Variants in MSN observed in about 807,000 individuals in gnomAD.
The protein encoded by MSN is epididymis luminal protein 70.
A neutral mutation model predicts 48.0 loss-of-function variants in MSN; 2 were observed. That is an observed-to-expected ratio of 0.04 (90% CI 0.02 to 0.13). MSN has a LOEUF of 0.13. MSN is among the 10% of genes least tolerant of loss of function. MSN has a pLI of 1.00. For missense variants in MSN, 267 were observed against 470.1 expected (o/e 0.57, Z 3.99); for synonymous variants, 146 against 166.9 (o/e 0.87, Z 0.97).
intron 1 of MSN, among the ~76,000 whole-genome samples, chrX:65,651,563 TA>T (rs2070742411): frequency 0.029 from 1,667 of 58,338 alleles, 42 homozygotes; most frequent in African/African-American, 0.22. Flanking sequence ...AAGTAATATT[TA>T]TTATTATTAT....
At chrX:65,637,575 G>A (rs2070615300) in intron 1 of MSN, among the ~76,000 whole-genome samples, 1 of 111,162 alleles carries the variant, frequency 9.0e-6, no homozygotes, top group South Asian at 3.8e-4. Flanking sequence ...CCTCCTTGCT[G>A]TTCCTAGAAC....
intron 1 of MSN, among the ~76,000 whole-genome samples, chrX:65,687,380 A>C (rs917335599): frequency 9.0e-6 from 1 of 110,972 alleles, no homozygotes; most frequent in African/African-American, 3.3e-5. Flanking sequence ...AACAAACAAA[A>C]AAATCCCCTC....
At chrX:65,700,319 G>A (rs1375135466) in intron 1 of MSN, among the ~76,000 whole-genome samples, 1 of 111,765 alleles carries the variant, frequency 8.9e-6, no homozygotes, top group Non-Finnish European at 1.9e-5. Flanking sequence ...ACTACCTCTA[G>A]AGCCCAGGGT....
intron 1 of MSN, among the ~76,000 whole-genome samples, chrX:65,619,365 C>T (rs1452350044): frequency 1.0e-5 from 1 of 97,663 alleles, no homozygotes. Context: ...TAGATTTGGT[C>T]TTTTCACATA....
chrX:65,641,948 A>C (rs781539346), intron 1 of MSN, among the ~76,000 whole-genome samples: 54 of 108,725 alleles, frequency 5.0e-4, no homozygotes, highest in African/African-American at 1.8e-3. Context: ...CAGCGTGACC[A>C]ACATGGAGAA....
intron 1 of MSN, among the ~76,000 whole-genome samples, chrX:65,714,374 G>A (rs1462375250): frequency 9.0e-6 from 1 of 111,682 alleles, no homozygotes. Flanking sequence ...TTGTTTTCAG[G>A]TCTTTGAGAA....
rs190915464 is a variant in MSN, at chrX:65,591,788, T to C, written c.-22+3176T>C. On this transcript the variant is annotated intron_variant, in intron 1 of 3. Coordinates refer to the MSN transcript ENST00000609672. Reference sequence around the variant, plus strand: ...CCAGAAAGGATAGAAAGTAGTTCTTTCTGGATTAGTGTTATATCTCCCTCT... The same window carrying C: ...CCAGAAAGGATAGAAAGTAGTTCTTCCTGGATTAGTGTTATATCTCCCTCT... Among the ~76,000 whole-genome samples the C allele has an allele frequency of 4.9e-3, 547 of 111,318 alleles. 2 individuals carry two copies. Among genetic ancestry groups the C allele is most frequent in the African/African-American group, 0.016 (484 of 30,631 alleles).
Position 65,737,230 on chromosome X carries a change from T to C in MSN, c.1143T>C (p.Arg381=). Reference sequence around the variant, plus strand: ...TGGAACTTGAGCAGGAACGGAAGCGTGCCCAGAGCGAGGCTGAAAAGCTGG... The same window carrying C: ...TGGAACTTGAGCAGGAACGGAAGCGCGCCCAGAGCGAGGCTGAAAAGCTGG... ...RALELEQERK[R]AQSEAEKLAK... Residue 381 remains arginine, a synonymous_variant, in exon 10 of 13, where the codon CGT becomes CGC. Transcript: ENST00000360270. The C allele has an allele frequency of 8.3e-7, 1 of 1,209,145 alleles. No homozygotes were observed. The highest frequency in any genetic ancestry group is 1.1e-6 in the Non-Finnish European group (1 of 894,336).
upstream of MSN, among the ~76,000 whole-genome samples, chrX:65,666,626 A>AT (rs1433484678): frequency 6.4e-5 from 7 of 109,942 alleles, no homozygotes; most frequent in African/African-American, 9.9e-5. Flanking sequence ...GCTCTCACTT[A>AT]TTTTTTTTGT....
exon 1 of MSN, chrX:65,588,468 A>G: frequency 1.6e-6 from 1 of 621,973 alleles, no homozygotes; most frequent in Non-Finnish European, 2.0e-6. Flanking sequence ...CTGGGGCCTG[A>G]GATCTCTCCA....
At chrX:65,657,497 A>G (rs1268647610) in intron 1 of MSN, among the ~76,000 whole-genome samples, 1 of 111,319 alleles carries the variant, frequency 9.0e-6, no homozygotes, top group Non-Finnish European at 1.9e-5. Context: ...CTGTCTATGG[A>G]GCCAATTTCA....
intron 1 of MSN, among the ~76,000 whole-genome samples, chrX:65,700,957 T>C (rs1407260003): frequency 9.0e-6 from 1 of 111,484 alleles, no homozygotes; most frequent in Admixed American, 9.5e-5. Context: ...GCACCATTGC[T>C]AGTCACACCT....
chrX:65,649,708 C>T (rs1330810583), intron 1 of MSN, among the ~76,000 whole-genome samples: 1 of 106,423 alleles, frequency 9.4e-6, no homozygotes, highest in Non-Finnish European at 1.9e-5. Flanking sequence ...CAGTGTCTGT[C>T]TGGAGAGCTG....
At chrX:65,684,804 T>A in intron 1 of MSN, among the ~76,000 whole-genome samples, 1 of 112,657 alleles carries the variant, frequency 8.9e-6, no homozygotes, top group Admixed American at 9.4e-5. Context: ...AGTGGTGTGA[T>A]CATAGCACAC....
chrX:65,602,481 G>T (rs1382367745), intron 1 of MSN, among the ~76,000 whole-genome samples: 1 of 110,744 alleles, frequency 9.0e-6, no homozygotes, highest in Non-Finnish European at 1.9e-5. Context: ...TAATTATGGA[G>T]GAATGCTCTC....
intron 2 of MSN, among the ~76,000 whole-genome samples, chrX:65,725,157 A>T (rs2071555842): frequency 1.8e-5 from 2 of 112,147 alleles, no homozygotes; most frequent in Non-Finnish European, 3.8e-5. Context: ...AAGGTCAAGT[A>T]ATTCACAGGG....
chrX:65,728,939 T>C lies in MSN; in HGVS notation c.193-499T>C, dbSNP rs777605077. 4.5e-5 allele frequency among the ~76,000 whole-genome samples: 5 copies of C among 111,876 alleles called. No homozygotes were observed. The East Asian group carries it at 1.4e-3, about 31-fold the overall frequency. On this transcript the variant is annotated intron_variant, in intron 3 of 12. Coordinates refer to ENST00000360270, the MANE Select transcript of MSN (RefSeq NM_002444.3). ...ACCCCACCTTCTGCTGGTAGAGTCT[T>C]GTTTTCCTAAAGAGTTGAGTCTTTT...
rs888493779 is a variant in MSN at position 65,727,729 on chromosome X, T to C, written c.97-85T>C. On this transcript the variant is annotated intron_variant, in intron 2 of 12. Coordinates refer to ENST00000360270, the MANE Select transcript of MSN (RefSeq NM_002444.3). ...TTAAACCCTTTAAGGGCAGATATAA[T>C]ATTGACTTCAAACTTTGTGTCCTCT... 2.2e-5 allele frequency: 17 copies of C among 775,330 alleles called. No homozygotes were observed. The African/African-American group carries it at 2.9e-4, about 13-fold the overall frequency. The allele number at this position is 775,330 out of a possible 1,213,427, so 63.9% of individuals were successfully genotyped here.
intron 1 of MSN, among the ~76,000 whole-genome samples, chrX:65,699,255 T>C (rs1029450801): frequency 1.8e-5 from 2 of 111,572 alleles, no homozygotes; most frequent in Non-Finnish European, 3.8e-5. Context: ...ATATCCGAAG[T>C]TTACTGGGAT....
Sources: gnomAD v4.1 joint callset for allele counts (sites outside exome capture counted in the v4.1 genomes callset) on GRCh38, gnomAD v4.1.1 for gene constraint, MANE v1.5 for transcripts, NCBI Gene and HGNC (gene_info 2026-07-23, HGNC 2026-07-21) for gene names.